Variants in LANCL2 observed in about 807,000 individuals in gnomAD.
The protein encoded by LANCL2 is LanC like glutathione S-transferase 2, also known as lanC-like protein 2.
LANCL2 carries 33 observed loss-of-function variants against 56.9 expected under a neutral mutation model. The observed-to-expected ratio is 0.58, with a 90% CI of 0.44 to 0.78. The LOEUF (loss-of-function observed/expected upper bound fraction) is 0.78, where lower values mean the gene tolerates loss of function less well. Among genes scored for constraint, LANCL2 ranks in the 30% least tolerant of loss-of-function variants. LANCL2 has a pLI of 0.00. For synonymous variants in LANCL2, 233 were observed against 228.2 expected, an observed-to-expected ratio of 1.02 and a Z score of -0.19; for missense variants, 562 against 580.2, an observed-to-expected ratio of 0.97 and a Z score of 0.32.
At chr7:55,394,735 G>A (rs1011279109) in intron 2 of LANCL2, among the ~76,000 whole-genome samples, 3 of 151,384 alleles carry the variant, frequency 2.0e-5, no homozygotes, top group Non-Finnish European at 2.9e-5. Flanking sequence ...GAATCACTCC[G>A]ACCCCACCCA....
Position 55,433,680 on chromosome 7 carries a change from A to G in LANCL2, c.*2360A>G, listed in dbSNP as rs977396805. 2 of 152,240 alleles carry G rather than the reference A, an allele frequency of 1.3e-5. No homozygotes were observed. The highest frequency in any genetic ancestry group is 2.9e-5 in the Non-Finnish European group (2 of 68,042). 9.4% of individuals were successfully genotyped at this position (152,240 alleles called of 1,614,324 possible). On this transcript the variant is annotated 3_prime_UTR_variant, in exon 9 of 9. Coordinates refer to ENST00000254770, the MANE Select transcript of LANCL2 (RefSeq NM_018697.4). ...GAAGGAAAGAATTTGAAGTCCACAA[A>G]AAGTGTTTGAGGTTCTTTGGTTTTG...
intron 5 of LANCL2, 143 bp downstream of exon 5, chr7:55,401,463 G>C: frequency 2.0e-6 from 1 of 493,310 alleles, no homozygotes; most frequent in Non-Finnish European, 3.4e-6. Flanking sequence ...TAAACCACAG[G>C]CAGTGGATTT....
intron 1 of LANCL2, among the ~76,000 whole-genome samples, chr7:55,370,414 C>T (rs1200407680): frequency 1.3e-5 from 2 of 152,212 alleles, no homozygotes; most frequent in Admixed American, 6.5e-5. Context: ...AGGGGTTATA[C>T]AGGAGCATAA....
intron 1 of LANCL2, among the ~76,000 whole-genome samples, chr7:55,375,291 T>C (rs1388277431): frequency 6.6e-6 from 1 of 152,236 alleles, no homozygotes; most frequent in East Asian, 1.9e-4. Flanking sequence ...TCATAAAAAA[T>C]ACAGAAGAAC....
At chr7:55,366,686 A>G (rs1330795624) in intron 1 of LANCL2, among the ~76,000 whole-genome samples, 1 of 152,204 alleles carries the variant, frequency 6.6e-6, no homozygotes, top group African/African-American at 2.4e-5. Context: ...GTGTGCCCAG[A>G]AATGGGAAGC....
In LANCL2 at chr7:55,408,110, A is replaced by G. The variant is rs565842312; in HGVS notation, c.826-3797A>G. Among the ~76,000 whole-genome samples, 89 of 152,268 alleles carry G rather than the reference A, an allele frequency of 5.8e-4. 1 individual carries two copies. The highest frequency in any genetic ancestry group is 8.8e-4 in the Non-Finnish European group (60 of 68,052). On this transcript the variant is annotated intron_variant, in intron 5 of 8. Transcript: ENST00000254770. The stretch of plus-strand genomic sequence containing the variant: ...TTAATATCCTCAGGGAAATAAGAGA[A>G]GCTGTTGCATCCAAGAAACAAACAT...
chr7:55,401,590 A>G (rs1408674334), intron 5 of LANCL2, among the ~76,000 whole-genome samples: 1 of 93,588 alleles, frequency 1.1e-5, no homozygotes, highest in Non-Finnish European at 1.9e-5. Context: ...TGTTTCTCGC[A>G]GAGGGGGATT....
chr7:55,426,747 G>A (rs979332184), intron 7 of LANCL2, among the ~76,000 whole-genome samples: 4 of 152,206 alleles, frequency 2.6e-5, no homozygotes, highest in African/African-American at 7.2e-5. Context: ...CCAAAGGCCC[G>A]GAGGTGTGAG....
intron 2 of LANCL2, among the ~76,000 whole-genome samples, chr7:55,392,252 C>T (rs1402115697): frequency 6.6e-6 from 1 of 151,908 alleles, no homozygotes; most frequent in Admixed American, 6.5e-5. Context: ...GAGATTGTGC[C>T]ACTGCACTCC....
At chr7:55,403,672 G>A (rs815992) in intron 5 of LANCL2, among the ~76,000 whole-genome samples, 129,755 of 147,884 alleles carry the variant, frequency 0.88, 57,156 homozygotes, top group African/African-American at 0.91. Flanking sequence ...CCCAGGTTCC[G>A]GTGATTCTCC....
At chr7:55,394,905 G>A (rs1345141176) in intron 2 of LANCL2, among the ~76,000 whole-genome samples, 2 of 152,342 alleles carry the variant, frequency 1.3e-5, no homozygotes, top group East Asian at 3.9e-4. Context: ...TTGGAGAGCT[G>A]TAGAACAGGC....
chr7:55,410,397 T>C (rs1287837958), intron 5 of LANCL2, among the ~76,000 whole-genome samples: 2 of 152,230 alleles, frequency 1.3e-5, no homozygotes, highest in Non-Finnish European at 2.9e-5. Flanking sequence ...TTCAATGAAA[T>C]TTAGAAGTAT....
chr7:55,401,469 G>A, intron 5 of LANCL2, 149 bp downstream of exon 5: 4 of 411,156 alleles, frequency 9.7e-6, no homozygotes. Context: ...ACAGGCAGTG[G>A]ATTTCTAAGA....
At position 55,391,913 on chromosome 7, in the gene LANCL2, G is replaced by A. The variant is rs1040433820; in HGVS notation, c.322+3G>A. ...CTCTGCTTATACTGGCTGGACAGGT[G>A]AGGCTGTGGGGTCTAAATCACTGAT... On this transcript the variant is annotated splice_donor_region_variant and intron_variant, in intron 2 of 8. Coordinates refer to ENST00000254770, the MANE Select transcript of LANCL2 (RefSeq NM_018697.4). 6.8e-7 allele frequency: 1 copy of A among 1,472,604 alleles called. No individual in the cohort carries two copies. Among genetic ancestry groups the A allele is most frequent in the East Asian group, 2.3e-5 (1 of 44,018 alleles). 91.2% of individuals were successfully genotyped at this position (1,472,604 alleles called of 1,614,324 possible). A position where few individuals can be genotyped will look rare whatever the true frequency, so the allele number is the denominator to read the frequency against.
intron 6 of LANCL2, among the ~76,000 whole-genome samples, chr7:55,417,447 C>T (rs1790556854): frequency 6.6e-6 from 1 of 152,190 alleles, no homozygotes; most frequent in Non-Finnish European, 1.5e-5. Flanking sequence ...GGCCTGTTTA[C>T]CTACATGATA....
At chr7:55,376,126 TA>T (rs1221587756) in intron 1 of LANCL2, among the ~76,000 whole-genome samples, 1 of 152,192 alleles carries the variant, frequency 6.6e-6, no homozygotes, top group Non-Finnish European at 1.5e-5. Context: ...CTGCCTACCA[TA>T]AAGGTTTCTA....
chr7:55,414,564 T>C (rs1790505343), intron 6 of LANCL2, among the ~76,000 whole-genome samples: 1 of 152,164 alleles, frequency 6.6e-6, no homozygotes, highest in Non-Finnish European at 1.5e-5. Context: ...CTCACAAAAT[T>C]TATTTTCCCT....
chr7:55,377,189 A>G (rs934422534), intron 1 of LANCL2, among the ~76,000 whole-genome samples: 2 of 152,206 alleles, frequency 1.3e-5, no homozygotes, highest in Non-Finnish European at 2.9e-5. Context: ...TAGCTTATGA[A>G]CATACTGAAC....
chr7:55,406,451 T>C (rs1445321368), intron 5 of LANCL2, among the ~76,000 whole-genome samples: 1 of 152,164 alleles, frequency 6.6e-6, no homozygotes, highest in East Asian at 1.9e-4. Context: ...GGTTCCCGCT[T>C]AGCCCTTAGG....
Sources: gnomAD v4.1 joint callset for allele counts (sites outside exome capture counted in the v4.1 genomes callset) on GRCh38, gnomAD v4.1.1 for gene constraint, MANE v1.5 for transcripts, NCBI Gene and HGNC (gene_info 2026-07-23, HGNC 2026-07-21) for gene names.